NKAIN2: variants seen among roughly 807,000 people sequenced by gnomAD.
NKAIN2 encodes sodium/potassium-transporting ATPase subunit beta-1-interacting protein 2.
NKAIN2 carries 14 observed loss-of-function variants against 32.6 expected under a neutral mutation model. That is an observed-to-expected ratio of 0.43 (90% CI 0.28 to 0.67). The LOEUF (loss-of-function observed/expected upper bound fraction) is 0.67. Ranked by LOEUF, NKAIN2 falls within the 30% of genes least tolerant of loss-of-function variation. The pLI is 0.17. For missense variants in NKAIN2, 198 were observed against 258.3 expected (o/e 0.77, Z 1.60); for synonymous variants, 80 against 87.2 (o/e 0.92, Z 0.46).
chr6:124,617,622 A>C (rs1413170768), intron 3 of NKAIN2, among the ~76,000 whole-genome samples: 1 of 152,154 alleles, frequency 6.6e-6, no homozygotes, highest in Non-Finnish European at 1.5e-5. Flanking sequence ...CTGAATTATC[A>C]GCTCCTTCAG....
intron 1 of NKAIN2, among the ~76,000 whole-genome samples, chr6:123,979,070 A>T (rs992419208): frequency 6.6e-6 from 1 of 152,170 alleles, no homozygotes; most frequent in Non-Finnish European, 1.5e-5. Flanking sequence ...ATTCTGAGCA[A>T]TTATGTTTGT....
At chr6:124,401,721 A>C (rs2114458429) in intron 3 of NKAIN2, among the ~76,000 whole-genome samples, 1 of 152,224 alleles carries the variant, frequency 6.6e-6, no homozygotes, top group South Asian at 2.1e-4. Context: ...CCATTTGGAT[A>C]TCTTCATTTC....
At chr6:124,740,792 G>C (rs75571551) in intron 4 of NKAIN2, among the ~76,000 whole-genome samples, 7,163 of 151,866 alleles carry the variant, frequency 0.047, 268 homozygotes, top group Middle Eastern at 0.071. Context: ...GAAGAAACCA[G>C]ATCAAGAAGG....
intron 1 of NKAIN2, among the ~76,000 whole-genome samples, chr6:124,190,847 A>G (rs1789983232): frequency 6.6e-6 from 1 of 152,162 alleles, no homozygotes; most frequent in African/African-American, 2.4e-5. Flanking sequence ...TGAATTCTTT[A>G]GAAAATAGAC....
intron 1 of NKAIN2, among the ~76,000 whole-genome samples, chr6:123,920,419 T>C (rs1775697588): frequency 6.6e-6 from 1 of 152,144 alleles, no homozygotes; most frequent in Admixed American, 6.6e-5. Flanking sequence ...TATGTGGCAA[T>C]ATGAACAAAA....
At chr6:124,085,363 A>G (rs1037380165) in intron 1 of NKAIN2, among the ~76,000 whole-genome samples, 1 of 152,040 alleles carries the variant, frequency 6.6e-6, no homozygotes, top group Non-Finnish European at 1.5e-5. Context: ...CCAGTCAAGA[A>G]CCACTGTAGC....
intron 3 of NKAIN2, among the ~76,000 whole-genome samples, chr6:124,613,013 G>A (rs1782748709): frequency 6.6e-6 from 1 of 152,152 alleles, no homozygotes; most frequent in Non-Finnish European, 1.5e-5. Flanking sequence ...AAGAGAGCAA[G>A]TGACTCTCAT....
intron 4 of NKAIN2, among the ~76,000 whole-genome samples, chr6:124,707,178 T>C (rs1333880191): frequency 6.6e-6 from 1 of 152,148 alleles, no homozygotes; most frequent in African/African-American, 2.4e-5. Context: ...ACTCATCATA[T>C]TTTATGGCTG....
At chr6:123,999,654 AT>A (rs1779790825) in intron 1 of NKAIN2, among the ~76,000 whole-genome samples, 1 of 152,216 alleles carries the variant, frequency 6.6e-6, no homozygotes, top group South Asian at 2.1e-4. Context: ...TTGTTGAAAT[AT>A]AGTACTGCTT....
At chr6:123,947,201 AG>A (rs914822778) in intron 1 of NKAIN2, among the ~76,000 whole-genome samples, 9 of 152,190 alleles carry the variant, frequency 5.9e-5, no homozygotes, top group Non-Finnish European at 7.3e-5. Context: ...TCTTCAGATC[AG>A]GTCTGTGTTC....
chr6:123,857,920 A>C (rs1775618959), intron 1 of NKAIN2, among the ~76,000 whole-genome samples: 2 of 150,464 alleles, frequency 1.3e-5, no homozygotes, highest in African/African-American at 4.8e-5. Flanking sequence ...TGGCCTGACA[A>C]GGCTAACCTC....
intron 3 of NKAIN2, among the ~76,000 whole-genome samples, chr6:124,606,799 A>G (rs572768085): frequency 2.0e-5 from 3 of 152,148 alleles, no homozygotes; most frequent in Non-Finnish European, 4.4e-5. Flanking sequence ...TGTCATCTGG[A>G]TCACTCTGTT....
chr6:124,011,289 A>G (rs756368587), intron 1 of NKAIN2, among the ~76,000 whole-genome samples: 15 of 152,028 alleles, frequency 9.9e-5, no homozygotes, highest in Non-Finnish European at 2.1e-4. Context: ...TACATGCCCA[A>G]CTGTAGTCAT....
intron 1 of NKAIN2, among the ~76,000 whole-genome samples, chr6:123,972,230 T>G: frequency 6.6e-6 from 1 of 152,292 alleles, no homozygotes; most frequent in African/African-American, 2.4e-5. Flanking sequence ...CAACAGTAGG[T>G]TATTAGTAGT....
chr6:124,352,159 T>C (rs962082235), intron 2 of NKAIN2, among the ~76,000 whole-genome samples: 2 of 152,224 alleles, frequency 1.3e-5, no homozygotes, highest in Admixed American at 6.5e-5. Flanking sequence ...CAGAGCCAGA[T>C]GTTAGGTTCT....
chr6:124,221,622 T>TGTTA (rs887289790), intron 1 of NKAIN2, among the ~76,000 whole-genome samples: 1 of 152,144 alleles, frequency 6.6e-6, no homozygotes, highest in Admixed American at 6.6e-5. Context: ...TAAGAGTTGT[T>TGTTA]GTTACCCAGC....
chr6:124,740,245 T>C (rs1476611957), intron 4 of NKAIN2, among the ~76,000 whole-genome samples: 1 of 151,636 alleles, frequency 6.6e-6, no homozygotes, highest in African/African-American at 2.4e-5. Flanking sequence ...ACATGGTTAG[T>C]TCATAGCCAC....
At chr6:124,278,152 C>T (rs1377293486) in intron 1 of NKAIN2, among the ~76,000 whole-genome samples, 5 of 152,082 alleles carry the variant, frequency 3.3e-5, no homozygotes. Flanking sequence ...AAAATATGTT[C>T]AAGTGCATGT....
intron 2 of NKAIN2, among the ~76,000 whole-genome samples, chr6:124,332,638 T>G (rs1015565248): frequency 1.3e-5 from 2 of 152,170 alleles, no homozygotes; most frequent in Admixed American, 1.3e-4. Flanking sequence ...AAAGAATTCT[T>G]GTATAATGAT....
Sources: gnomAD v4.1 joint callset for allele counts (sites outside exome capture counted in the v4.1 genomes callset) on GRCh38, gnomAD v4.1.1 for gene constraint, MANE v1.5 for transcripts, NCBI Gene and HGNC (gene_info 2026-07-23, HGNC 2026-07-21) for gene names.